The following ADGRL3 variants were observed in gnomAD, a reference collection of about 807,000 sequenced individuals.
ADGRL3 encodes the protein calcium-independent alpha-latrotoxin receptor 3.
A neutral mutation model predicts 153.5 loss-of-function variants in ADGRL3; 62 were observed. The observed-to-expected ratio is 0.40, with a 90% CI of 0.33 to 0.50. The LOEUF is 0.50. ADGRL3 is among the 20% of genes least tolerant of loss of function. The pLI, the probability that ADGRL3 is intolerant of heterozygous loss-of-function variation, is 0.47. For missense variants in ADGRL3, 1,641 were observed against 1,859.4 expected (o/e 0.88, Z 2.16); for synonymous variants, 710 against 672.5 (o/e 1.06, Z -0.86).
chr4:61,398,439 T>A (rs2096892868), intron 2 of ADGRL3, among the ~76,000 whole-genome samples: 2 of 151,724 alleles, frequency 1.3e-5, no homozygotes, highest in Admixed American at 6.6e-5. Context: ...TCTTTTTTTT[T>A]TTCTTATGTC....
At chr4:61,645,750 G>T (rs1318360603) in intron 5 of ADGRL3, among the ~76,000 whole-genome samples, 2 of 151,896 alleles carry the variant, frequency 1.3e-5, no homozygotes, top group Non-Finnish European at 2.9e-5. Context: ...TGGTGAATCT[G>T]ACAATTATGT....
At chr4:61,471,489 A>C (rs2152685221) in intron 2 of ADGRL3, among the ~76,000 whole-genome samples, 1 of 151,998 alleles carries the variant, frequency 6.6e-6, no homozygotes, top group South Asian at 2.1e-4. Context: ...GCAGTATATC[A>C]TAGTGACATT....
In ADGRL3 at chr4:61,892,675, T is replaced by G. The variant is rs1431418359; in HGVS notation, c.1500T>G (p.Pro500=). 6.2e-7 allele frequency: 1 copy of G among 1,613,828 alleles called. No homozygotes were observed. Among genetic ancestry groups the G allele is most frequent in the Non-Finnish European group, 8.5e-7 (1 of 1,179,838 alleles). The stretch of plus-strand genomic sequence containing the variant: ...TTTCAGATATCTCTACCACAGGACC[T>G]CTTGGCATGGGAAGCACTACCACCA... ...PSVKDISTTG[P]LGMGSTTTST... The change falls in exon 10 of 27, where the codon CCT becomes CCG. Residue 500 remains proline, a synonymous_variant. Transcript: ENST00000683033.
intron 8 of ADGRL3, among the ~76,000 whole-genome samples, chr4:61,813,397 TAAA>T (rs1462634771): frequency 6.6e-6 from 1 of 151,450 alleles, no homozygotes; most frequent in Non-Finnish European, 1.5e-5. Flanking sequence ...CATTTCAAAA[TAAA>T]TAAATAAATA....
At chr4:61,987,340 A>T (rs1462861424) in intron 19 of ADGRL3, among the ~76,000 whole-genome samples, 1 of 151,396 alleles carries the variant, frequency 6.6e-6, no homozygotes, top group Non-Finnish European at 1.5e-5. Flanking sequence ...CGCCCGTCTA[A>T]TTTTGTATTT....
intron 1 of ADGRL3, among the ~76,000 whole-genome samples, chr4:61,248,740 A>G (rs1758043342): frequency 6.6e-6 from 1 of 152,160 alleles, no homozygotes. Flanking sequence ...AGTTTTGAAA[A>G]TTATTTCTCC....
rs116812690 is a variant in ADGRL3, at chr4:61,873,342, C to T, written c.1481-19314C>T. Reference sequence around the variant, plus strand: ...AAGCCTCCACAATTTCTGTTTCTCTCTCCAACTTCCCTCCCTAACCTAATT... The same window carrying T: ...AAGCCTCCACAATTTCTGTTTCTCTTTCCAACTTCCCTCCCTAACCTAATT... On this transcript the variant is annotated intron_variant, in intron 9 of 26. Transcript: ENST00000683033. Among the ~76,000 whole-genome samples, 735 of 152,330 alleles carry T rather than the reference C, an allele frequency of 4.8e-3. 11 individuals are homozygous for T. The highest frequency in any genetic ancestry group is 0.017 in the African/African-American group (701 of 41,576).
chr4:61,227,016 G>T (rs1400748888), intron 1 of ADGRL3, among the ~76,000 whole-genome samples: 1 of 52,994 alleles, frequency 1.9e-5, no homozygotes, highest in Non-Finnish European at 3.5e-5. Context: ...TGCTTCGGGA[G>T]TAAGCTTTAT....
intron 1 of ADGRL3, among the ~76,000 whole-genome samples, chr4:61,374,591 C>T (rs780922812): frequency 2.9e-4 from 44 of 151,952 alleles, no homozygotes; most frequent in Non-Finnish European, 4.7e-4. Flanking sequence ...AGAAATAAAG[C>T]TTCATGCGAT....
chr4:61,877,804 C>T (rs2098484205), intron 9 of ADGRL3, among the ~76,000 whole-genome samples: 1 of 152,056 alleles, frequency 6.6e-6, no homozygotes, highest in Non-Finnish European at 1.5e-5. Context: ...AATTGTAATA[C>T]CCACATATCA....
At chr4:61,776,274 G>A (rs1346533587) in intron 8 of ADGRL3, among the ~76,000 whole-genome samples, 1 of 152,148 alleles carries the variant, frequency 6.6e-6, no homozygotes, top group Non-Finnish European at 1.5e-5. Context: ...GAGGCCTCAC[G>A]CGCCGAAAAG....
chr4:61,291,822 G>C (rs1040631970), intron 1 of ADGRL3, among the ~76,000 whole-genome samples: 1 of 147,562 alleles, frequency 6.8e-6, no homozygotes, highest in African/African-American at 2.5e-5. Flanking sequence ...ATGCGAAGAA[G>C]AGTGTAATTA....
intron 5 of ADGRL3, among the ~76,000 whole-genome samples, chr4:61,645,375 T>A (rs1477322562): frequency 6.6e-6 from 1 of 150,764 alleles, no homozygotes; most frequent in Non-Finnish European, 1.5e-5. Context: ...AGTTTCTTCC[T>A]AGTCTCGATG....
At chr4:62,011,475 G>A (rs1322224242) in intron 21 of ADGRL3, among the ~76,000 whole-genome samples, 2 of 151,868 alleles carry the variant, frequency 1.3e-5, no homozygotes, top group Non-Finnish European at 2.9e-5. Flanking sequence ...CTTTCCTCTC[G>A]GTATAGGGCG....
chr4:61,678,828 T>G (rs1350246743), intron 6 of ADGRL3, among the ~76,000 whole-genome samples: 1 of 152,086 alleles, frequency 6.6e-6, no homozygotes, highest in African/African-American at 2.4e-5. Flanking sequence ...TGGAGTATGT[T>G]TCAGTTAAAA....
intron 4 of ADGRL3, among the ~76,000 whole-genome samples, chr4:61,560,771 G>A (rs1026296309): frequency 6.6e-6 from 1 of 151,836 alleles, no homozygotes; most frequent in Non-Finnish European, 1.5e-5. Context: ...TCTACTTAAG[G>A]CCTGCTCTAT....
At chr4:61,839,649 A>G (rs1462589137) in intron 9 of ADGRL3, among the ~76,000 whole-genome samples, 2 of 151,700 alleles carry the variant, frequency 1.3e-5, no homozygotes, top group Non-Finnish European at 2.9e-5. Context: ...GAGATAAGAC[A>G]TGTGAAAAGG....
chr4:62,066,054 C>G (rs1347480641), intron 25 of ADGRL3, among the ~76,000 whole-genome samples: 1 of 151,968 alleles, frequency 6.6e-6, no homozygotes, highest in East Asian at 1.9e-4. Context: ...TTTCCAGAGT[C>G]AGAAGTTGAA....
intron 19 of ADGRL3, among the ~76,000 whole-genome samples, chr4:61,985,126 A>T (rs937090795): frequency 3.3e-5 from 5 of 152,282 alleles, no homozygotes; most frequent in Admixed American, 3.3e-4. Flanking sequence ...GAATTTGCAA[A>T]GTCCATGGCA....
Sources: gnomAD v4.1 joint callset for allele counts (sites outside exome capture counted in the v4.1 genomes callset) on GRCh38, gnomAD v4.1.1 for gene constraint, MANE v1.5 for transcripts, NCBI Gene and HGNC (gene_info 2026-07-23, HGNC 2026-07-21) for gene names.